The following ZNF892 variants were observed in gnomAD, a reference collection of about 807,000 sequenced individuals.
ZNF892 encodes zinc finger protein 892, also known as zinc finger protein 570-like.
the ZNF892 span, among the ~76,000 whole-genome samples, chr2:95,256,788 T>C: frequency 6.6e-5 from 10 of 152,244 alleles, no homozygotes; most frequent in African/African-American, 2.4e-4. Context: ...TTATTTTTTC[T>C]CTAAACCTTC....
At chr2:95,236,941 A>G in the ZNF892 span, among the ~76,000 whole-genome samples, 1 of 152,154 alleles carries the variant, frequency 6.6e-6, no homozygotes, top group Non-Finnish European at 1.5e-5. Context: ...TGTCATTTTT[A>G]TTGCACTTTG....
the ZNF892 span, among the ~76,000 whole-genome samples, chr2:95,243,057 G>A: frequency 6.6e-6 from 1 of 152,192 alleles, no homozygotes; most frequent in Non-Finnish European, 1.5e-5. Context: ...TCGATGTGTT[G>A]GCCAGGCTGG....
chr2:95,222,312 T>G, the ZNF892 span, among the ~76,000 whole-genome samples: 3 of 152,264 alleles, frequency 2.0e-5, no homozygotes, highest in African/African-American at 7.2e-5. Flanking sequence ...ACATTAGGTT[T>G]TTGTATGAAC....
the ZNF892 span, among the ~76,000 whole-genome samples, chr2:95,257,566 A>G: frequency 2.0e-5 from 3 of 152,180 alleles, no homozygotes; most frequent in Admixed American, 6.5e-5. Context: ...CTCCAGCTGC[A>G]TGCTGGGAGA....
the ZNF892 span, among the ~76,000 whole-genome samples, chr2:95,245,245 A>ATTT: frequency 6.4e-5 from 5 of 77,736 alleles, no homozygotes; most frequent in Middle Eastern, 6.2e-3. Context: ...CCTGGAGCTG[A>ATTT]TTTTTTTTTT....
chr2:95,258,100 A>T, the ZNF892 span, among the ~76,000 whole-genome samples: 3 of 152,086 alleles, frequency 2.0e-5, no homozygotes, highest in Non-Finnish European at 4.4e-5. Flanking sequence ...AACAATCCCC[A>T]GTGAGATGAA....
the ZNF892 span, among the ~76,000 whole-genome samples, chr2:95,217,151 G>A: frequency 6.6e-6 from 1 of 152,174 alleles, no homozygotes; most frequent in African/African-American, 2.4e-5. Context: ...CAGATGGGGG[G>A]CCAGTTGGGA....
chr2:95,252,541 A>G, the ZNF892 span, among the ~76,000 whole-genome samples: 13 of 152,182 alleles, frequency 8.5e-5, no homozygotes, highest in Admixed American at 2.0e-4. Flanking sequence ...TGCCACAATA[A>G]ACATACGTGT....
the ZNF892 span, among the ~76,000 whole-genome samples, chr2:95,235,268 G>A: frequency 6.6e-6 from 1 of 152,128 alleles, no homozygotes; most frequent in African/African-American, 2.4e-5. Flanking sequence ...GAGCATCCTT[G>A]GATGATAGAA....
chr2:95,245,109 C>T, the ZNF892 span, among the ~76,000 whole-genome samples: 5 of 152,084 alleles, frequency 3.3e-5, no homozygotes, highest in Non-Finnish European at 5.9e-5. Context: ...AATTGACATC[C>T]TAACATCGTA....
chr2:95,237,459 T>C, the ZNF892 span, among the ~76,000 whole-genome samples: 118 of 152,290 alleles, frequency 7.7e-4, no homozygotes, highest in African/African-American at 2.7e-3. Context: ...TTGATAAATG[T>C]GTGTTCTGAC....
the ZNF892 span, among the ~76,000 whole-genome samples, chr2:95,223,434 C>T: frequency 6.6e-6 from 1 of 152,100 alleles, no homozygotes; most frequent in Non-Finnish European, 1.5e-5. Flanking sequence ...CTCACTCTCT[C>T]ACCCAGGCTG....
the ZNF892 span, among the ~76,000 whole-genome samples, chr2:95,236,101 G>C: frequency 2.6e-5 from 4 of 152,166 alleles, no homozygotes; most frequent in Middle Eastern, 3.2e-3. Context: ...CTGATTCCAC[G>C]AAGTCACCTC....
At chr2:95,212,927 C>G in the ZNF892 span, among the ~76,000 whole-genome samples, 1 of 152,210 alleles carries the variant, frequency 6.6e-6, no homozygotes, top group African/African-American at 2.4e-5. Flanking sequence ...GCAAAGATAG[C>G]TATTAAGTCC....
chr2:95,206,601 T>G, the ZNF892 span, among the ~76,000 whole-genome samples: 1 of 152,264 alleles, frequency 6.6e-6, no homozygotes, highest in Non-Finnish European at 1.5e-5. Flanking sequence ...TGCAAGGCTT[T>G]AAATCTTTCA....
At chr2:95,241,353 G>A in the ZNF892 span, among the ~76,000 whole-genome samples, 1 of 152,148 alleles carries the variant, frequency 6.6e-6, no homozygotes, top group Non-Finnish European at 1.5e-5. Flanking sequence ...GAAAAACTGA[G>A]GCAACTAGGG....
At chr2:95,222,597 C>T in the ZNF892 span, among the ~76,000 whole-genome samples, 12 of 152,276 alleles carry the variant, frequency 7.9e-5, no homozygotes, top group East Asian at 1.2e-3. Flanking sequence ...AGCATCTTTT[C>T]GTGTGCTTAT....
chr2:95,217,332 G>A, the ZNF892 span, among the ~76,000 whole-genome samples: 6 of 152,260 alleles, frequency 3.9e-5, no homozygotes, highest in East Asian at 1.9e-4. Flanking sequence ...GAGGGGATAC[G>A]TTTAGTCCAT....
chr2:95,210,225 A>G, the ZNF892 span, among the ~76,000 whole-genome samples: 1 of 149,108 alleles, frequency 6.7e-6, no homozygotes, highest in African/African-American at 2.4e-5. Context: ...ATATGTATAT[A>G]TATGTGTATA....
Sources: gnomAD v4.1 joint callset for allele counts (sites outside exome capture counted in the v4.1 genomes callset) on GRCh38, gnomAD v4.1.1 for gene constraint, MANE v1.5 for transcripts, NCBI Gene and HGNC (gene_info 2026-07-23, HGNC 2026-07-21) for gene names.